DCUN1D5: variants seen among roughly 807,000 people sequenced by gnomAD.
DCUN1D5 encodes defective in cullin neddylation 1 domain containing 5.
A neutral mutation model predicts 38.3 loss-of-function variants in DCUN1D5; 10 were observed. That is an observed-to-expected ratio of 0.26 (90% CI 0.16 to 0.44). The LOEUF is 0.44. Among genes scored for constraint, DCUN1D5 ranks in the 20% least tolerant of loss-of-function variants. The pLI is 1.00. For synonymous variants in DCUN1D5, 93 were observed against 90.9 expected, an observed-to-expected ratio of 1.02 and a Z score of -0.13; for missense variants, 148 against 275.3, an observed-to-expected ratio of 0.54 and a Z score of 3.27.
chr11:103,087,769 A>G lies in DCUN1D5; in HGVS notation c.178+1458T>C, dbSNP rs1299527159. Among the ~76,000 whole-genome samples the G allele has an allele frequency of 6.6e-6, 1 of 152,244 alleles. No homozygotes were observed. The highest frequency in any genetic ancestry group is 1.5e-5 in the Non-Finnish European group (1 of 68,046). ...TAATGCAATTATTATGTTGGCTATT[A>G]AAAATGCTAATATAGTAAACAAATG... On this transcript the variant is annotated intron_variant, in intron 2 of 7. Coordinates refer to ENST00000260247, the MANE Select transcript of DCUN1D5 (RefSeq NM_032299.4). This position sits in a 1 kb window ranked among gnomAD's most constrained non-coding sequence, Gnocchi z 4.1.
chr11:103,091,638 C>T lies in DCUN1D5; in HGVS notation c.86+149G>A, dbSNP rs765944902. ...CGAGGTCGGGTCGGGCGCGGAGACT[C>T]GCGGTGTTCGGCACCTACAGCCTAG... On this transcript the variant is annotated intron_variant, in intron 1 of 7. Coordinates refer to ENST00000260247, the MANE Select transcript of DCUN1D5 (RefSeq NM_032299.4). This position sits in a 1 kb window ranked among gnomAD's most constrained non-coding sequence, Gnocchi z 4.3. The T allele has an allele frequency of 2.1e-6, 3 of 1,455,758 alleles. No individual in the cohort carries two copies. The highest frequency in any genetic ancestry group is 2.8e-6 in the Non-Finnish European group (3 of 1,065,130). The allele number at this position is 1,455,758 out of a possible 1,614,324, so 90.2% of individuals were successfully genotyped here.
rs1214054565 is a variant in DCUN1D5 at position 103,060,130 on chromosome 11, G to A, written c.*2229C>T. 6.6e-6 allele frequency among the ~76,000 whole-genome samples: 1 copy of A among 152,156 alleles called. No individual in the cohort carries two copies. On this transcript the variant is annotated 3_prime_UTR_variant, in exon 8 of 8. Coordinates refer to ENST00000260247, the MANE Select transcript of DCUN1D5 (RefSeq NM_032299.4). ...CACCCTGACTGATGAATTAGGCAGA[G>A]TAAATTTGCCTTCAAAGTAGGCAAA...
chr11:103,090,097 TA>T lies in DCUN1D5; in HGVS notation c.87-780del, dbSNP rs369365360. 6.1e-3 allele frequency among the ~76,000 whole-genome samples: 928 copies of T among 152,298 alleles called. 6 individuals are homozygous for T. The highest frequency in any genetic ancestry group is 0.021 in the African/African-American group (883 of 41,576). ...TGATATAGAAATGATAGAACTTCTG[TA>T]ACTGAGTAAAGTAAGAGTATCATAT... On this transcript the variant is annotated intron_variant, in intron 1 of 7. Coordinates refer to ENST00000260247, the MANE Select transcript of DCUN1D5 (RefSeq NM_032299.4).
At position 103,086,716 on chromosome 11, in the gene DCUN1D5, C is replaced by A. The variant is rs1343227798; in HGVS notation, c.178+2511G>T. ...TGCTCAGCACTATATATCCAGCACT[C>A]AGCACAGTGCCTGACTCAAAACAAG... On this transcript the variant is annotated intron_variant, in intron 2 of 7. Coordinates refer to ENST00000260247, the MANE Select transcript of DCUN1D5 (RefSeq NM_032299.4). This position sits in a 1 kb window ranked among gnomAD's most constrained non-coding sequence, Gnocchi z 4.1. Among the ~76,000 whole-genome samples the A allele has an allele frequency of 6.6e-6, 1 of 152,140 alleles. No homozygotes were observed. Among genetic ancestry groups the A allele is most frequent in the Non-Finnish European group, 1.5e-5 (1 of 68,026 alleles).
At chr11:103,082,641 AGATTT>A (rs1248712562) in intron 4 of DCUN1D5, 102 bp downstream of exon 4, 30 of 752,138 alleles carry the variant, frequency 4.0e-5, no homozygotes, top group Middle Eastern at 7.1e-4. Flanking sequence ...TAGATCAAAC[AGATTT>A]GATTTAAGGT....
rs1862479980 is a variant in DCUN1D5, at chr11:103,078,949, T to G, written c.341+3799A>C. 6.6e-6 allele frequency among the ~76,000 whole-genome samples: 1 copy of G among 152,162 alleles called. No homozygotes were observed. The highest frequency in any genetic ancestry group is 2.4e-5 in the African/African-American group (1 of 41,426). Reference sequence around the variant, plus strand: ...TAGCACATGTCACGTTCTCCTTGGTTTATGGTTACAGCAAGGTGCCCAATG... The same window carrying G: ...TAGCACATGTCACGTTCTCCTTGGTGTATGGTTACAGCAAGGTGCCCAATG... On this transcript the variant is annotated intron_variant, in intron 4 of 7. Transcript: ENST00000260247. The surrounding 1 kb of genome is among the most constrained non-coding windows in gnomAD (Gnocchi z 4.6).
rs751510279 is a variant in DCUN1D5 at position 103,062,374 on chromosome 11, G to T, written c.699C>A (p.Val233=). The T allele has an allele frequency of 4.4e-5, 71 of 1,613,202 alleles. 2 individuals are homozygous for T. In the South Asian group the frequency reaches 7.7e-4, roughly 17 times the overall value. The change falls in exon 8 of 8, where the codon GTC becomes GTA. Residue 233 remains valine, a synonymous_variant. Coordinates refer to ENST00000260247, the MANE Select transcript of DCUN1D5 (RefSeq NM_032299.4). The surrounding 1 kb of genome is among the most constrained non-coding windows in gnomAD (Gnocchi z 4.6). ...ATAGTTCTTGCTATGATGTCTGACGGACTTTTTGCCACTCAACAAATTCAT... is the reference window on the plus strand; with the variant it reads ...ATAGTTCTTGCTATGATGTCTGACGTACTTTTTGCCACTCAACAAATTCAT... The part of the protein sequence containing the change: ...LLDEFVEWQK[V]RQTS
chr11:103,076,908 A>G (rs1862421757), intron 4 of DCUN1D5, among the ~76,000 whole-genome samples: 1 of 152,188 alleles, frequency 6.6e-6, no homozygotes, highest in Non-Finnish European at 1.5e-5. Context: ...TTTGTAGTAA[A>G]AAAAGAATAG....
At chr11:103,082,272 T>G (rs1862584128) in intron 4 of DCUN1D5, among the ~76,000 whole-genome samples, 1 of 152,114 alleles carries the variant, frequency 6.6e-6, no homozygotes, top group African/African-American at 2.4e-5. Flanking sequence ...ACTTTTGTCC[T>G]TTATGAAATT....
chr11:103,076,969 C>T (rs1351535259), intron 4 of DCUN1D5, among the ~76,000 whole-genome samples: 5 of 152,066 alleles, frequency 3.3e-5, no homozygotes, highest in East Asian at 1.9e-4. Flanking sequence ...AAGGTCGAGG[C>T]GGGTGGATCA....
chr11:103,082,075 A>G (rs995510942), intron 4 of DCUN1D5, among the ~76,000 whole-genome samples: 1 of 152,154 alleles, frequency 6.6e-6, no homozygotes, highest in South Asian at 2.1e-4. Context: ...ATGATACTAT[A>G]CAATTAACAC....
At position 103,053,836 on chromosome 11, in the gene DCUN1D5, T is replaced by C. The variant is rs1861806592; in HGVS notation, c.*8523A>G. 6.6e-6 allele frequency: 1 copy of C among 152,110 alleles called. No homozygotes were observed. 9.4% of individuals were successfully genotyped at this position (152,110 alleles called of 1,614,324 possible). ...ATATATAACACTTATTGAACACAAG[T>C]CCATCCTATGAGGTTCAATTGATGT... is the stretch of plus-strand genomic sequence containing the variant. On this transcript the variant is annotated 3_prime_UTR_variant, in exon 8 of 8. Transcript: ENST00000260247. This position sits in a 1 kb window ranked among gnomAD's most constrained non-coding sequence, Gnocchi z 4.8.
Position 103,058,159 on chromosome 11 carries a change from C to T in DCUN1D5, c.*4200G>A, listed in dbSNP as rs183698541. On this transcript the variant is annotated 3_prime_UTR_variant, in exon 8 of 8. Transcript: ENST00000260247. ...GATGTATTTTAAGGAATATTTAACA[C>T]ATGGTAAATCAGAAACCATGTAAAA... Among the ~76,000 whole-genome samples, 276 of 151,802 alleles carry T rather than the reference C, an allele frequency of 1.8e-3. No homozygotes were observed. Among genetic ancestry groups the T allele is most frequent in the Middle Eastern group, 0.01 (3 of 294 alleles).
chr11:103,064,299 T>G lies in DCUN1D5; in HGVS notation c.634A>C (p.Ser212Arg). 1 of 1,610,734 alleles carries G rather than the reference T, an allele frequency of 6.2e-7. No individual in the cohort carries two copies. Among genetic ancestry groups the G allele is most frequent in the Non-Finnish European group, 8.5e-7 (1 of 1,179,092 alleles). The change falls in exon 7 of 8, where the codon AGT becomes CGT. Residue 212 changes from serine to arginine, a missense_variant. Ser to Arg is a moderately radical substitution (Grantham distance 110). Coordinates refer to ENST00000260247, the MANE Select transcript of DCUN1D5 (RefSeq NM_032299.4). This position sits in a 1 kb window ranked among gnomAD's most constrained non-coding sequence, Gnocchi z 4.5. ...CAAGCACCATCTTCATCATAGTTAC[T>G]AAGATCAGCATGGACTGTTCTGCTG... is the stretch of plus-strand genomic sequence containing the variant. Reference protein sequence around the residue: ...EFSRTVHADLSNYDEDGAWPV... With the variant: ...EFSRTVHADLRNYDEDGAWPV...
intron 3 of DCUN1D5, 116 bp from the exon 4 acceptor site, chr11:103,082,955 G>C (rs886717154): frequency 4.0e-5 from 30 of 745,192 alleles, no homozygotes; most frequent in Non-Finnish European, 6.4e-5. Flanking sequence ...CTATTAAAGA[G>C]TACAACCTCT....
chr11:103,075,946 G>T lies in DCUN1D5; in HGVS notation c.341+6802C>A, dbSNP rs551813576. On this transcript the variant is annotated intron_variant, in intron 4 of 7. Coordinates refer to ENST00000260247, the MANE Select transcript of DCUN1D5 (RefSeq NM_032299.4). ...ATTATGTGAAAAATAATGCTTTAATGAAAGTTGACTTCTACCATGGGGATA... is the reference window on the plus strand; with the variant it reads ...ATTATGTGAAAAATAATGCTTTAATTAAAGTTGACTTCTACCATGGGGATA... 1.6e-3 allele frequency among the ~76,000 whole-genome samples: 245 copies of T among 152,286 alleles called. 1 individual carries two copies. Among genetic ancestry groups the T allele is most frequent in the African/African-American group, 5.6e-3 (233 of 41,572 alleles).
rs750616089 is a variant in DCUN1D5, at chr11:103,078,599, A to G, written c.341+4149T>C. Among the ~76,000 whole-genome samples the G allele has an allele frequency of 1.3e-5, 2 of 152,238 alleles. No individual in the cohort carries two copies. Among genetic ancestry groups the G allele is most frequent in the Non-Finnish European group, 2.9e-5 (2 of 68,050 alleles). On this transcript the variant is annotated intron_variant, in intron 4 of 7. Coordinates refer to ENST00000260247, the MANE Select transcript of DCUN1D5 (RefSeq NM_032299.4). This position sits in a 1 kb window ranked among gnomAD's most constrained non-coding sequence, Gnocchi z 4.6. Reference sequence around the variant, plus strand: ...TGGTTTCCCAATATCTGTAACATAGATTTAAACTCTCTCAACGTATTAGCT... The same window carrying G: ...TGGTTTCCCAATATCTGTAACATAGGTTTAAACTCTCTCAACGTATTAGCT...
rs771449484 is a variant in DCUN1D5 at position 103,083,211 on chromosome 11, G to C, written c.249+45C>G. 5.4e-6 allele frequency: 5 copies of C among 918,178 alleles called. No individual in the cohort carries two copies. Among genetic ancestry groups the C allele is most frequent in the Middle Eastern group, 2.1e-4 (1 of 4,668 alleles). 56.9% of individuals were successfully genotyped at this position (918,178 alleles called of 1,614,324 possible). ...TCGATTTTTAGTAATTTACGAATAT[G>C]CTATACCCCACTTATATGCCATTCT... On this transcript the variant is annotated intron_variant, in intron 3 of 7. Coordinates refer to ENST00000260247, the MANE Select transcript of DCUN1D5 (RefSeq NM_032299.4). The surrounding 1 kb of genome is among the most constrained non-coding windows in gnomAD (Gnocchi z 4.4).
intron 4 of DCUN1D5, among the ~76,000 whole-genome samples, chr11:103,075,082 G>A (rs936637191): frequency 2.6e-5 from 4 of 152,178 alleles, no homozygotes; most frequent in Non-Finnish European, 4.4e-5. Flanking sequence ...AATTCTCTCA[G>A]GTAGAAGCCC....
Sources: allele counts gnomAD v4.1 joint callset (sites outside exome capture counted in the v4.1 genomes callset), GRCh38; gene constraint gnomAD v4.1.1; non-coding constraint Gnocchi (gnomAD v3.1); transcripts MANE v1.5; gene names NCBI Gene and HGNC (gene_info 2026-07-23, HGNC 2026-07-21).